The following DNAJC5B variants were observed in gnomAD, a reference collection of about 807,000 sequenced individuals.
The protein encoded by DNAJC5B is DnaJ heat shock protein family (Hsp40) member C5 beta, also known as dnaJ homolog subfamily C member 5B.
In DNAJC5B, 23 loss-of-function variants were observed where a neutral mutation model predicts 24.7. That is an observed-to-expected ratio of 0.93 (90% confidence interval 0.67 to 1.32). DNAJC5B has a LOEUF of 1.32. DNAJC5B is among the 40% of genes most tolerant of loss of function. The probability of loss-of-function intolerance (pLI) is 0.00; values close to 1 mark genes in which losing one functional copy is unlikely to be tolerated. For synonymous variants in DNAJC5B, 101 were observed against 90.1 expected, an observed-to-expected ratio of 1.12 and a Z score of -0.68; for missense variants, 238 against 240.8, an observed-to-expected ratio of 0.99 and a Z score of 0.08.
intron 1 of DNAJC5B, among the ~76,000 whole-genome samples, chr8:66,023,414 T>TG (rs1445578499): frequency 6.6e-6 from 1 of 152,194 alleles, no homozygotes; most frequent in Non-Finnish European, 1.5e-5. Context: ...GAAAAAGCAC[T>TG]GAAGACCCCA....
At chr8:66,092,246 A>G (rs879407749) in intron 5 of DNAJC5B, among the ~76,000 whole-genome samples, 1 of 152,186 alleles carries the variant, frequency 6.6e-6, no homozygotes, top group Non-Finnish European at 1.5e-5. Context: ...AAGAAACTGA[A>G]CACCCTTCCT....
At chr8:66,086,628 G>A (rs1208820176) in intron 5 of DNAJC5B, among the ~76,000 whole-genome samples, 7 of 152,290 alleles carry the variant, frequency 4.6e-5, no homozygotes, top group African/African-American at 1.7e-4. Context: ...TAATACTCTG[G>A]TTTTAGGGAA....
the DNAJC5B span, among the ~76,000 whole-genome samples, chr8:66,015,728 G>GT: frequency 6.6e-6 from 1 of 152,194 alleles, no homozygotes; most frequent in South Asian, 2.1e-4. Context: ...GCAGGAAGGT[G>GT]TTAAGAGTGG....
intron 2 of DNAJC5B, among the ~76,000 whole-genome samples, chr8:66,047,927 T>C (rs1442333907): frequency 6.6e-6 from 1 of 152,100 alleles, no homozygotes; most frequent in Admixed American, 6.5e-5. Context: ...CCTGTACAAA[T>C]ACAGGGCCCC....
chr8:66,091,960 T>C (rs1439625817), intron 5 of DNAJC5B, among the ~76,000 whole-genome samples: 1 of 152,076 alleles, frequency 6.6e-6, no homozygotes, highest in Non-Finnish European at 1.5e-5. Flanking sequence ...ATATTCAGAA[T>C]AGGTAAATCC....
chr8:66,091,570 G>GT (rs1807848039), intron 5 of DNAJC5B, among the ~76,000 whole-genome samples: 1 of 152,154 alleles, frequency 6.6e-6, no homozygotes, highest in African/African-American at 2.4e-5. Context: ...CTATTGAATA[G>GT]TTTTATCAAG....
At chr8:66,035,757 G>C (rs1466700206) in intron 1 of DNAJC5B, among the ~76,000 whole-genome samples, 1 of 152,184 alleles carries the variant, frequency 6.6e-6, no homozygotes, top group Non-Finnish European at 1.5e-5. Context: ...CGTTACGGCA[G>C]CCTGGGGAAT....
chr8:66,068,451 A>G (rs937578570), intron 3 of DNAJC5B, among the ~76,000 whole-genome samples: 5 of 152,102 alleles, frequency 3.3e-5, no homozygotes, highest in Non-Finnish European at 5.9e-5. Context: ...TGACTAGAAG[A>G]TAGCTTAGAA....
At chr8:66,061,548 C>A (rs180773636) in intron 3 of DNAJC5B, among the ~76,000 whole-genome samples, 1 of 150,612 alleles carries the variant, frequency 6.6e-6, no homozygotes, top group Non-Finnish European at 1.5e-5. Flanking sequence ...TGCAGGGTGA[C>A]GTGCCAAGAA....
In DNAJC5B at chr8:66,080,381, T is replaced by C; in HGVS notation, c.338T>C (p.Leu113Pro). The C allele has an allele frequency of 6.2e-7, 1 of 1,611,980 alleles. No individual in the cohort carries two copies. Among genetic ancestry groups the C allele is most frequent in the Non-Finnish European group, 8.5e-7 (1 of 1,179,096 alleles). The change falls in exon 5 of 6, where the codon CTG (leucine) becomes CCG (proline). Residue 113 changes from leucine to proline, a missense_variant. Leu to Pro is a moderately conservative substitution (Grantham distance 98, BLOSUM62 -3). Transcript: ENST00000276570. ...GCTTTACCTCTGTTTCCCTAGGCCC[T>C]GTTTGTCATCGTTGGCCTCTTGACG... ...FMLSSWWAKALFVIVGLLTGC... is the reference protein window; with the variant it reads ...FMLSSWWAKAPFVIVGLLTGC...
Position 66,076,756 on chromosome 8 carries a change from C to T in DNAJC5B, c.216C>T (p.Thr72=), listed in dbSNP as rs372501975. The change falls in exon 4 of 6, where the codon ACC becomes ACT. Residue 72 remains threonine, a synonymous_variant. Transcript: ENST00000276570. ...TCAACAACGCCCACGCAATACTTAC[C>T]GACATTTCAAAGAGAAGCATATACG... ...KEINNAHAIL[T]DISKRSIYDK... The T allele has an allele frequency of 2.5e-6, 4 of 1,614,140 alleles. No homozygotes were observed. Among genetic ancestry groups the T allele is most frequent in the South Asian group, 1.1e-5 (1 of 91,076 alleles).
chr8:66,087,533 C>T (rs1807754315), intron 5 of DNAJC5B, among the ~76,000 whole-genome samples: 1 of 152,174 alleles, frequency 6.6e-6, no homozygotes, highest in Admixed American at 6.5e-5. Context: ...AGTCCAAAGT[C>T]TCATCTGAGA....
chr8:66,023,205 C>G (rs973447626), intron 1 of DNAJC5B, among the ~76,000 whole-genome samples: 2 of 152,182 alleles, frequency 1.3e-5, no homozygotes, highest in Non-Finnish European at 2.9e-5. Context: ...TCACTCTTAG[C>G]CTGGTGGCCT....
intron 5 of DNAJC5B, among the ~76,000 whole-genome samples, chr8:66,092,873 G>A (rs1231058849): frequency 6.6e-6 from 1 of 152,012 alleles, no homozygotes; most frequent in East Asian, 1.9e-4. Context: ...TGTTACATGG[G>A]TATATTGTGT....
At chr8:66,035,390 A>G (rs936987824) in intron 1 of DNAJC5B, among the ~76,000 whole-genome samples, 2 of 152,178 alleles carry the variant, frequency 1.3e-5, no homozygotes, top group African/African-American at 4.8e-5. Flanking sequence ...TGTCATTAAG[A>G]TCTAAATTAA....
chr8:66,015,428 G>C, the DNAJC5B span, among the ~76,000 whole-genome samples: 1 of 152,078 alleles, frequency 6.6e-6, no homozygotes, highest in Non-Finnish European at 1.5e-5. Context: ...AGCTTAGCTT[G>C]GAAGAGAAGA....
the DNAJC5B span, among the ~76,000 whole-genome samples, chr8:66,015,320 T>C: frequency 1.3e-5 from 2 of 152,172 alleles, no homozygotes. Context: ...TATAAAATGA[T>C]TAACAAGCCT....
rs1480110704 is a variant in DNAJC5B, at chr8:66,021,589, C to G, written c.-258C>G. Reference sequence around the variant, plus strand: ...TTACTGATATAGCCAAGGTGGGACACTACTGGAGGGAGCTAGAAGGGATCA... The same window carrying G: ...TTACTGATATAGCCAAGGTGGGACAGTACTGGAGGGAGCTAGAAGGGATCA... On this transcript the variant is annotated 5_prime_UTR_variant, in exon 1 of 6. Coordinates refer to ENST00000276570, the MANE Select transcript of DNAJC5B (RefSeq NM_033105.6). 6.6e-6 allele frequency: 1 copy of G among 152,314 alleles called. No individual in the cohort carries two copies. Among genetic ancestry groups the G allele is most frequent in the Non-Finnish European group, 1.5e-5 (1 of 68,132 alleles). The allele number at this position is 152,314 out of a possible 1,614,324, so 9.4% of individuals were successfully genotyped here. A position where few individuals can be genotyped will look rare whatever the true frequency, so the allele number is the denominator to read the frequency against.
intron 4 of DNAJC5B, among the ~76,000 whole-genome samples, chr8:66,079,621 G>A (rs1272014015): frequency 2.0e-5 from 3 of 152,202 alleles, no homozygotes; most frequent in Non-Finnish European, 4.4e-5. Context: ...GCTGGTGCAG[G>A]GAGGCATTGG....
Sources: gnomAD v4.1 joint callset for allele counts (sites outside exome capture counted in the v4.1 genomes callset) on GRCh38, gnomAD v4.1.1 for gene constraint, MANE v1.5 for transcripts, NCBI Gene and HGNC (gene_info 2026-07-23, HGNC 2026-07-21) for gene names.